The following PACSIN1 variants were observed in gnomAD, a reference collection of about 807,000 sequenced individuals.
PACSIN1 encodes the protein protein kinase C and casein kinase substrate in neurons protein 1.
Under a neutral mutation model 59.5 loss-of-function variants are expected in PACSIN1, and 15 were observed. The ratio of observed to expected loss-of-function variants is 0.25; its 90% CI spans 0.17 to 0.39. PACSIN1 has a LOEUF of 0.39. Ranked by LOEUF, PACSIN1 falls within the 10% of genes least tolerant of loss-of-function variation. PACSIN1 has a pLI of 1.00. For missense variants in PACSIN1, 420 were observed against 580.2 expected (o/e 0.72, Z 2.84); for synonymous variants, 210 against 220.6 (o/e 0.95, Z 0.42).
rs144753141 is a variant in PACSIN1 at position 34,531,699 on chromosome 6, C to G, written c.1137C>G (p.Asn379Lys). ...GCAGTGAGACCAACGGGGGCGCCAA[C>G]CCCTTTGAGGACGACTCCAAGGGAG... The part of the protein sequence containing the change: ...FGGSETNGGA[N>K]PFEDDSKGVR... Residue 379 changes from asparagine to lysine, a missense_variant, in exon 9 of 10, where the codon AAC becomes AAG. Coordinates refer to ENST00000244458, the MANE Select transcript of PACSIN1 (RefSeq NM_020804.5). The surrounding 1 kb of genome is among the most constrained non-coding windows in gnomAD (Gnocchi z 4.4). 227 of 1,613,388 alleles carry G rather than the reference C, an allele frequency of 1.4e-4. 1 individual carries two copies. The highest frequency in any genetic ancestry group is 1.4e-4 in the Non-Finnish European group (162 of 1,179,770).
chr6:34,488,917 A>G lies in PACSIN1; in HGVS notation c.-64+22647A>G, dbSNP rs937908488. ...CTATATTGGCTGTGCGCAGTGGCTC[A>G]CACCCGTAATCCTAATACTTTGGGA... On this transcript the variant is annotated intron_variant, in intron 1 of 9. Transcript: ENST00000244458. This position sits in a 1 kb window ranked among gnomAD's most constrained non-coding sequence, Gnocchi z 4.7. Among the ~76,000 whole-genome samples, 3 of 152,170 alleles carry G rather than the reference A, an allele frequency of 2.0e-5. No individual in the cohort carries two copies. Among genetic ancestry groups the G allele is most frequent in the Non-Finnish European group, 2.9e-5 (2 of 68,040 alleles).
chr6:34,486,329 G>A (rs1766793351), intron 1 of PACSIN1, among the ~76,000 whole-genome samples: 1 of 152,126 alleles, frequency 6.6e-6, no homozygotes, highest in African/African-American at 2.4e-5. Context: ...TGTCTCCAAT[G>A]TGGTTCTCAC....
intron 1 of PACSIN1, among the ~76,000 whole-genome samples, chr6:34,487,030 C>A (rs898134345): frequency 1.4e-5 from 2 of 142,204 alleles, no homozygotes; most frequent in African/African-American, 5.4e-5. Flanking sequence ...ATTAGGTGGC[C>A]GTGGTCGTGC....
rs1767461555 is a variant in PACSIN1, at chr6:34,525,190, G to C, written c.-63-1053G>C. Among the ~76,000 whole-genome samples the C allele has an allele frequency of 6.6e-6, 1 of 152,216 alleles. No homozygotes were observed. Among genetic ancestry groups the C allele is most frequent in the South Asian group, 2.1e-4 (1 of 4,834 alleles). On this transcript the variant is annotated intron_variant, in intron 1 of 9. Coordinates refer to ENST00000244458, the MANE Select transcript of PACSIN1 (RefSeq NM_020804.5). This position sits in a 1 kb window ranked among gnomAD's most constrained non-coding sequence, Gnocchi z 4.9. ...CCACCCGCACTGTGCGTGAGTTTAT[G>C]GGAAAGTCTGTCTGTGGTTCTTCTA...
In PACSIN1 at chr6:34,523,895, G is replaced by A. The variant is rs748896943; in HGVS notation, c.-63-2348G>A. Among the ~76,000 whole-genome samples the A allele has an allele frequency of 5.3e-5, 8 of 152,226 alleles. No individual in the cohort carries two copies. The East Asian group carries it at 9.6e-4, about 18-fold the overall frequency. On this transcript the variant is annotated intron_variant, in intron 1 of 9. Transcript: ENST00000244458. ...GCCCACCACTGTGTGGGTCAGAACC[G>A]AGGTTGGAGTTGGGAGGGCCTAGGG...
Position 34,531,933 on chromosome 6 carries a change from G to A in PACSIN1, c.1225+146G>A. The A allele has an allele frequency of 2.7e-6, 2 of 749,664 alleles. No homozygotes were observed. The highest frequency in any genetic ancestry group is 4.2e-6 in the Non-Finnish European group (2 of 476,822). The allele number at this position is 749,664 out of a possible 1,614,324, so 46.4% of individuals were successfully genotyped here. ...GGGCGGTGCCTGAGAGAGAAGCTTG[G>A]GTCTGGATTGGGTGTGTGGTGGGGC... On this transcript the variant is annotated intron_variant, in intron 9 of 9. Coordinates refer to ENST00000244458, the MANE Select transcript of PACSIN1 (RefSeq NM_020804.5). The surrounding 1 kb of genome is among the most constrained non-coding windows in gnomAD (Gnocchi z 4.4).
intron 1 of PACSIN1, among the ~76,000 whole-genome samples, chr6:34,469,281 G>A (rs931668379): frequency 6.6e-6 from 1 of 152,140 alleles, no homozygotes; most frequent in African/African-American, 2.4e-5. Flanking sequence ...TAGGTTTGCT[G>A]TGGGCAATTT....
chr6:34,501,743 C>A (rs1767026785), intron 1 of PACSIN1, among the ~76,000 whole-genome samples: 1 of 152,092 alleles, frequency 6.6e-6, no homozygotes, highest in Non-Finnish European at 1.5e-5. Flanking sequence ...TTAAAAAATG[C>A]TAATTTGGCT....
chr6:34,528,517 G>A (rs764378762), intron 3 of PACSIN1, 125 bp from the exon 4 acceptor site: 32 of 746,112 alleles, frequency 4.3e-5, no homozygotes, highest in Middle Eastern at 3.8e-4. Context: ...ATGGGGCCAC[G>A]TAGAGCAGAG....
Position 34,531,289 on chromosome 6 carries a change from T to C in PACSIN1, c.1038-311T>C, listed in dbSNP as rs1767588724. 2.0e-5 allele frequency among the ~76,000 whole-genome samples: 3 copies of C among 152,198 alleles called. No homozygotes were observed. The highest frequency in any genetic ancestry group is 2.0e-4 in the Admixed American group (3 of 15,280). On this transcript the variant is annotated intron_variant, in intron 8 of 9. Coordinates refer to ENST00000244458, the MANE Select transcript of PACSIN1 (RefSeq NM_020804.5). This position sits in a 1 kb window ranked among gnomAD's most constrained non-coding sequence, Gnocchi z 4.4. The stretch of plus-strand genomic sequence containing the variant: ...TTAGTAAACCTCAGAGCCAGATATG[T>C]TGCCCAGGAGGTCTGACTCCAGGAT...
chr6:34,522,294 A>G (rs1188893328), intron 1 of PACSIN1, among the ~76,000 whole-genome samples: 2 of 152,242 alleles, frequency 1.3e-5, no homozygotes, highest in African/African-American at 2.4e-5. Flanking sequence ...TCCGTGCCTC[A>G]GTTTCCCCAT....
intron 1 of PACSIN1, among the ~76,000 whole-genome samples, chr6:34,471,654 A>G (rs1324615589): frequency 2.0e-5 from 3 of 152,106 alleles, no homozygotes; most frequent in Non-Finnish European, 4.4e-5. Flanking sequence ...GGAAACTAGA[A>G]CTCTCACGTC....
In PACSIN1 at chr6:34,530,093, G is replaced by A. The variant is rs748835351; in HGVS notation, c.789-150G>A. On this transcript the variant is annotated intron_variant, in intron 6 of 9. Transcript: ENST00000244458. The surrounding 1 kb of genome is among the most constrained non-coding windows in gnomAD (Gnocchi z 4.4). ...GAAAAGGAGTCCACCGAGCATGCCC[G>A]GAGCTTATTCTTGCAAAGCCCACAT... 5.2e-5 allele frequency: 59 copies of A among 1,135,236 alleles called. No homozygotes were observed. The highest frequency in any genetic ancestry group is 8.4e-5 in the Admixed American group (3 of 35,598). The allele number at this position is 1,135,236 out of a possible 1,614,324, so 70.3% of individuals were successfully genotyped here.
chr6:34,492,146 A>G (rs1254575181), intron 1 of PACSIN1, among the ~76,000 whole-genome samples: 2 of 139,576 alleles, frequency 1.4e-5, no homozygotes, highest in Non-Finnish European at 3.1e-5. Context: ...AACAGTGTAT[A>G]TGTGTTCCCT....
chr6:34,473,845 A>G (rs778747082), intron 1 of PACSIN1, among the ~76,000 whole-genome samples: 1 of 152,230 alleles, frequency 6.6e-6, no homozygotes, highest in Non-Finnish European at 1.5e-5. Flanking sequence ...CAATCAAGAT[A>G]TTTCTCTAAA....
rs189790269 is a variant in PACSIN1 at position 34,497,042 on chromosome 6, G to A, written c.-63-29201G>A. Among the ~76,000 whole-genome samples the A allele has an allele frequency of 4.4e-5, 6 of 137,038 alleles. No individual in the cohort carries two copies. In the East Asian group the frequency reaches 1.1e-3, roughly 26 times the overall value. The allele number at this position is 137,038 out of a possible 152,430, so 89.9% of individuals were successfully genotyped here. Reference sequence around the variant, plus strand: ...CGGCTCACTGCATCCTCCACCTCCCGGGTTCAAGCAATTCTCATGGTTCAG... The same window carrying A: ...CGGCTCACTGCATCCTCCACCTCCCAGGTTCAAGCAATTCTCATGGTTCAG... On this transcript the variant is annotated intron_variant, in intron 1 of 9. Transcript: ENST00000244458.
intron 1 of PACSIN1, among the ~76,000 whole-genome samples, chr6:34,471,939 T>C (rs1766576086): frequency 6.6e-6 from 1 of 152,184 alleles, no homozygotes; most frequent in Non-Finnish European, 1.5e-5. Flanking sequence ...GGCACCACTT[T>C]AGGTGCTTGG....
chr6:34,480,743 G>C lies in PACSIN1; in HGVS notation c.-64+14473G>C, dbSNP rs184391392. On this transcript the variant is annotated intron_variant, in intron 1 of 9. Coordinates refer to ENST00000244458, the MANE Select transcript of PACSIN1 (RefSeq NM_020804.5). ...ATGCATGCAGTTCTCCAGGGTTTAT[G>C]CAAAGGAATGGAATCACTAGGTCAT... Among the ~76,000 whole-genome samples, 44 of 152,146 alleles carry C rather than the reference G, an allele frequency of 2.9e-4. No homozygotes were observed. The East Asian group carries it at 7.5e-3, about 26-fold the overall frequency.
rs1304915372 is a variant in PACSIN1, at chr6:34,469,835, G to C, written c.-64+3565G>C. ...GTGGGCTGAAGGGACAAGATCAACCGGAGCCTGGCCTCAGCTGGCTCTGGG... is the reference window on the plus strand; with the variant it reads ...GTGGGCTGAAGGGACAAGATCAACCCGAGCCTGGCCTCAGCTGGCTCTGGG... On this transcript the variant is annotated intron_variant, in intron 1 of 9. Coordinates refer to ENST00000244458, the MANE Select transcript of PACSIN1 (RefSeq NM_020804.5). 3.3e-5 allele frequency among the ~76,000 whole-genome samples: 5 copies of C among 152,224 alleles called. No homozygotes were observed. The East Asian group carries it at 9.6e-4, about 29-fold the overall frequency.
Sources: allele counts gnomAD v4.1 joint callset (sites outside exome capture counted in the v4.1 genomes callset), GRCh38; gene constraint gnomAD v4.1.1; non-coding constraint Gnocchi (gnomAD v3.1); transcripts MANE v1.5; gene names NCBI Gene and HGNC (gene_info 2026-07-23, HGNC 2026-07-21).